ITPR2: variants seen among roughly 807,000 people sequenced by gnomAD.
ITPR2 encodes the protein inositol 1,4,5-trisphosphate receptor type 2.
ITPR2 carries 207 observed loss-of-function variants against 317.1 expected under a neutral mutation model. That is an observed-to-expected ratio of 0.65 (90% CI 0.58 to 0.73). The LOEUF is 0.73. Ranked by LOEUF, ITPR2 falls within the 30% of genes least tolerant of loss-of-function variation. The pLI is 0.00. For synonymous variants in ITPR2, 1,156 were observed against 1,149.1 expected (o/e 1.01, Z -0.12); for missense variants, 2,613 against 3,284.0 (o/e 0.80, Z 4.99).
At chr12:26,354,970 T>G (rs1448436605) in intron 55 of ITPR2, among the ~76,000 whole-genome samples, 1 of 152,154 alleles carries the variant, frequency 6.6e-6, no homozygotes, top group Non-Finnish European at 1.5e-5. Flanking sequence ...GGCAAGTTGG[T>G]GGTTCTCAAA....
At chr12:26,639,137 G>A (rs2136856139) in intron 21 of ITPR2, among the ~76,000 whole-genome samples, 1 of 152,268 alleles carries the variant, frequency 6.6e-6, no homozygotes, top group South Asian at 2.1e-4. Context: ...AGAGAGGAGG[G>A]GGGACGCAGG....
intron 42 of ITPR2, among the ~76,000 whole-genome samples, chr12:26,482,801 A>G (rs115971101): frequency 0.039 from 5,924 of 152,280 alleles, 134 homozygotes; most frequent in Middle Eastern, 0.11. Context: ...CACCGTGTGT[A>G]TGTGTGCGTA....
chr12:26,427,338 G>A (rs1363492707), intron 49 of ITPR2, among the ~76,000 whole-genome samples: 3 of 152,136 alleles, frequency 2.0e-5, no homozygotes, highest in East Asian at 1.9e-4. Flanking sequence ...TTCTATAAAT[G>A]TATCACTTGC....
intron 36 of ITPR2, among the ~76,000 whole-genome samples, chr12:26,554,922 T>G (rs911209684): frequency 6.6e-6 from 1 of 152,186 alleles, no homozygotes; most frequent in African/African-American, 2.4e-5. Context: ...CCTATTTTTA[T>G]AGTGAATTAC....
intron 2 of ITPR2, among the ~76,000 whole-genome samples, chr12:26,782,020 ATATATATATATAT>A (rs1565759835): frequency 0.031 from 893 of 29,136 alleles, 15 homozygotes; most frequent in African/African-American, 0.058. Context: ...ATATATATAT[ATATATATATATAT>A]GTATAGAGAG....
At chr12:26,802,485 A>C (rs923135275) in intron 1 of ITPR2, among the ~76,000 whole-genome samples, 1 of 151,680 alleles carries the variant, frequency 6.6e-6, no homozygotes, top group Non-Finnish European at 1.5e-5. Flanking sequence ...CTGTCTCTTT[A>C]AATTAATATA....
chr12:26,604,260 T>C (rs1057088416), intron 26 of ITPR2, among the ~76,000 whole-genome samples: 3 of 152,236 alleles, frequency 2.0e-5, no homozygotes, highest in Admixed American at 6.5e-5. Flanking sequence ...TTTTGCTTCT[T>C]TTCTGGCAAA....
At chr12:26,754,490 T>C (rs556281146) in intron 2 of ITPR2, among the ~76,000 whole-genome samples, 4 of 152,218 alleles carry the variant, frequency 2.6e-5, no homozygotes, top group Non-Finnish European at 5.9e-5. Flanking sequence ...AGAGTTAACA[T>C]TGTTACATGT....
intron 55 of ITPR2, among the ~76,000 whole-genome samples, chr12:26,384,065 A>T (rs1354480893): frequency 6.6e-6 from 1 of 152,266 alleles, no homozygotes. Flanking sequence ...AAGAACAAAA[A>T]TAAGAGTGGC....
chr12:26,653,865 T>C, intron 21 of ITPR2, 111 bp downstream of exon 21: 3 of 792,386 alleles, frequency 3.8e-6, no homozygotes, highest in East Asian at 5.1e-5. Flanking sequence ...TGTGTTCATA[T>C]GCACACATAT....
intron 2 of ITPR2, among the ~76,000 whole-genome samples, chr12:26,739,899 G>T (rs1385573600): frequency 1.3e-5 from 2 of 152,144 alleles, no homozygotes; most frequent in Non-Finnish European, 2.9e-5. Context: ...TAAGAAAAAA[G>T]ATAAACTTTA....
rs547669255 is a variant in ITPR2, at chr12:26,580,072, G to C, written c.4464C>G (p.Ser1488Arg). The C allele has an allele frequency of 1.9e-6, 3 of 1,610,934 alleles. No individual in the cohort carries two copies. Residue 1488 changes from serine (S) to arginine (R), a missense_variant, in exon 33 of 57, where the codon AGC becomes AGG. Physicochemically the swap from Ser to Arg is moderately radical, Grantham distance 110. Around this residue, in one of 9 missense-constraint regions of ITPR2, gnomAD observed 926 missense variants for 1,072.8 expected, o/e 0.86. Coordinates refer to ENST00000381340, the MANE Select transcript of ITPR2 (RefSeq NM_002223.4). ...CVTESIMNIVSGFFNSPFSDN... is the reference protein window; with the variant it reads ...CVTESIMNIVRGFFNSPFSDN... ...CTGAAAAGGGAGAATTAAAGAAGCC[G>C]CTCACAATATTCATTATTGACTCAG...
intron 32 of ITPR2, among the ~76,000 whole-genome samples, chr12:26,588,259 CA>C (rs1279327705): frequency 6.6e-6 from 1 of 152,020 alleles, no homozygotes; most frequent in Non-Finnish European, 1.5e-5. Flanking sequence ...GGATCCATTC[CA>C]AAGTCTGAGC....
intron 37 of ITPR2, among the ~76,000 whole-genome samples, chr12:26,524,755 A>G (rs1273405523): frequency 6.6e-6 from 1 of 152,226 alleles, no homozygotes; most frequent in Non-Finnish European, 1.5e-5. Flanking sequence ...ACTTGTTTAT[A>G]TCTCCACCAA....
chr12:26,462,356 G>C (rs1942058229), intron 45 of ITPR2, among the ~76,000 whole-genome samples: 1 of 152,034 alleles, frequency 6.6e-6, no homozygotes, highest in South Asian at 2.1e-4. Flanking sequence ...TATTAGGTTG[G>C]TGCAAAAGTG....
chr12:26,522,174 T>C lies in ITPR2; in HGVS notation c.5074-26914A>G, dbSNP rs762367476. Among the ~76,000 whole-genome samples, 7 of 152,284 alleles carry C rather than the reference T, an allele frequency of 4.6e-5. No individual in the cohort carries two copies. The South Asian group carries it at 1.4e-3, about 32-fold the overall frequency. ...CTATATAGTATAAATACTCGAAACTTTCAGTTAACCAACCTGTATAATGCT... is the reference window on the plus strand; with the variant it reads ...CTATATAGTATAAATACTCGAAACTCTCAGTTAACCAACCTGTATAATGCT... On this transcript the variant is annotated intron_variant, in intron 37 of 56. Transcript: ENST00000381340.
rs149843341 is a variant in ITPR2 at position 26,687,022 on chromosome 12, G to C, written c.997-390C>G. ...TTCTGAAGTTAAAGTAAGCATGGCA[G>C]TGTGCAGGAGTTCATACCTAACTCC... On this transcript the variant is annotated intron_variant, in intron 10 of 56. Transcript: ENST00000381340. Among the ~76,000 whole-genome samples the C allele has an allele frequency of 3.0e-3, 454 of 152,336 alleles. 2 individuals are homozygous for C. Among genetic ancestry groups the C allele is most frequent in the African/African-American group, 0.01 (435 of 41,568 alleles).
chr12:26,494,798 T>C (rs564449271), intron 38 of ITPR2, among the ~76,000 whole-genome samples: 63 of 107,458 alleles, frequency 5.9e-4, no homozygotes, highest in Middle Eastern at 5.2e-3. Context: ...AAAAAAAAGC[T>C]TGAGTTTAAA....
At chr12:26,816,313 A>G (rs530179421) in intron 1 of ITPR2, among the ~76,000 whole-genome samples, 21 of 152,300 alleles carry the variant, frequency 1.4e-4, no homozygotes, top group Non-Finnish European at 1.8e-4. Flanking sequence ...TAAGTGTTTT[A>G]CATATGTTAG....
Sources: gnomAD v4.1 joint callset for allele counts (sites outside exome capture counted in the v4.1 genomes callset) on GRCh38, gnomAD v4.1.1 for gene constraint, gnomAD v4.1.1 regional missense constraint, MANE v1.5 for transcripts, NCBI Gene and HGNC (gene_info 2026-07-23, HGNC 2026-07-21) for gene names.